The following SGCZ variants were observed in gnomAD, a reference collection of about 807,000 sequenced individuals.
The protein encoded by SGCZ is sarcoglycan zeta, also known as zeta-sarcoglycan.
SGCZ carries 40 observed loss-of-function variants against 41.3 expected under a neutral mutation model. The ratio of observed to expected loss-of-function variants is 0.97; its 90% CI spans 0.75 to 1.26. The LOEUF (loss-of-function observed/expected upper bound fraction) is 1.26, where lower values mean the gene tolerates loss of function less well. Among genes scored for constraint, SGCZ ranks in the 50% most tolerant of loss-of-function variants. The pLI is 0.00. For synonymous variants in SGCZ, 206 were observed against 137.5 expected (o/e 1.50, Z -3.49); for missense variants, 552 against 369.8 (o/e 1.49, Z -4.04).
chr8:14,690,930 C>A (rs1808780628), intron 1 of SGCZ, among the ~76,000 whole-genome samples: 1 of 152,128 alleles, frequency 6.6e-6, no homozygotes, highest in African/African-American at 2.4e-5. Context: ...GTAAGCATTG[C>A]ACTTACAGTA....
At chr8:14,642,193 T>C (rs754189834) in intron 1 of SGCZ, among the ~76,000 whole-genome samples, 91 of 151,664 alleles carry the variant, frequency 6.0e-4, no homozygotes, top group Non-Finnish European at 7.7e-4. Flanking sequence ...CCTTGTCCTC[T>C]TTTAGGATGG....
At chr8:14,538,614 A>G (rs548501919) in intron 2 of SGCZ, among the ~76,000 whole-genome samples, 1 of 152,102 alleles carries the variant, frequency 6.6e-6, no homozygotes, top group East Asian at 1.9e-4. Context: ...AATAATTATA[A>G]CTTTTCTCCT....
chr8:14,972,546 T>A (rs1563401682), intron 1 of SGCZ, among the ~76,000 whole-genome samples: 1 of 152,184 alleles, frequency 6.6e-6, no homozygotes. Context: ...ATCATCTTGT[T>A]GTTTGTTTTC....
chr8:15,199,131 C>A (rs1416584322), intron 1 of SGCZ, among the ~76,000 whole-genome samples: 1 of 152,138 alleles, frequency 6.6e-6, no homozygotes, highest in Non-Finnish European at 1.5e-5. Context: ...AGAAATGATA[C>A]CCGACATTCT....
At chr8:15,199,757 T>A (rs1184570475) in intron 1 of SGCZ, among the ~76,000 whole-genome samples, 1 of 152,158 alleles carries the variant, frequency 6.6e-6, no homozygotes, top group Admixed American at 6.5e-5. Context: ...ACTTCATTAG[T>A]TTCAGAAAAA....
chr8:14,240,340 A>AT (rs1281998125), intron 3 of SGCZ, among the ~76,000 whole-genome samples: 2 of 149,930 alleles, frequency 1.3e-5, no homozygotes, highest in African/African-American at 4.9e-5. Flanking sequence ...AAAAAAAAAA[A>AT]AAAAAAAAAA....
Position 14,624,543 on chromosome 8 carries a change from T to TTTATTATTATTATTATTA in SGCZ, c.40-69618_40-69617insTAATAATAATAATAATAA, listed in dbSNP as rs71209070. 5.1e-4 allele frequency among the ~76,000 whole-genome samples: 27 copies of TTTATTATTATTATTATTA among 52,994 alleles called. 1 individual carries two copies. Among genetic ancestry groups the TTTATTATTATTATTATTA allele is most frequent in the Middle Eastern group, 0.012 (1 of 84 alleles). 34.8% of individuals were successfully genotyped at this position (52,994 alleles called of 152,430 possible). A position where few individuals can be genotyped will look rare whatever the true frequency, so the allele number is the denominator to read the frequency against. ...AGAAACATAAATATCACTCCCCAAT[T>TTTATTATTATTATTATTA]TTATTATTATTATTTTTTTTTTTTT... On this transcript the variant is annotated intron_variant, in intron 1 of 7. Coordinates refer to ENST00000382080, the MANE Select transcript of SGCZ (RefSeq NM_139167.4).
chr8:15,016,310 T>C (rs561891191), intron 1 of SGCZ, among the ~76,000 whole-genome samples: 6 of 152,286 alleles, frequency 3.9e-5, no homozygotes, highest in Admixed American at 1.3e-4. Flanking sequence ...CAGATCCTGC[T>C]AATGGATCTT....
At chr8:14,455,276 T>C (rs1585537225) in intron 2 of SGCZ, among the ~76,000 whole-genome samples, 1 of 151,944 alleles carries the variant, frequency 6.6e-6, no homozygotes, top group African/African-American at 2.4e-5. Flanking sequence ...GGTAAAAAAG[T>C]AAAAAATCAT....
intron 1 of SGCZ, among the ~76,000 whole-genome samples, chr8:15,163,942 G>C (rs929096116): frequency 6.6e-5 from 10 of 152,250 alleles, no homozygotes; most frequent in Admixed American, 6.5e-5. Context: ...GCCTCAGAAA[G>C]TTCAGGACGT....
intron 4 of SGCZ, among the ~76,000 whole-genome samples, chr8:14,169,788 T>C (rs985368267): frequency 6.6e-6 from 1 of 152,202 alleles, no homozygotes; most frequent in African/African-American, 2.4e-5. Flanking sequence ...TTTGTAAGAC[T>C]ATAGGTACCG....
intron 4 of SGCZ, among the ~76,000 whole-genome samples, chr8:14,190,785 G>T (rs1805076524): frequency 6.6e-6 from 1 of 151,754 alleles, no homozygotes; most frequent in Admixed American, 6.6e-5. Context: ...TATATTTTTA[G>T]TAGAGACGGC....
At chr8:14,471,558 T>C (rs17119316) in intron 2 of SGCZ, among the ~76,000 whole-genome samples, 1,745 of 152,244 alleles carry the variant, frequency 0.011, 32 homozygotes, top group African/African-American at 0.039. Flanking sequence ...ATGAATTTCC[T>C]CAAATAAGGA....
intron 1 of SGCZ, among the ~76,000 whole-genome samples, chr8:14,671,726 G>T (rs1488105864): frequency 6.6e-6 from 1 of 151,894 alleles, no homozygotes; most frequent in African/African-American, 2.4e-5. Flanking sequence ...TAAATATTTG[G>T]ATATAACATT....
At chr8:15,071,573 C>A (rs2131028794) in intron 1 of SGCZ, among the ~76,000 whole-genome samples, 1 of 152,192 alleles carries the variant, frequency 6.6e-6, no homozygotes, top group East Asian at 1.9e-4. Context: ...TCTGAAAGGA[C>A]TATGCAACCA....
chr8:14,735,311 G>A (rs1798993896), intron 1 of SGCZ, among the ~76,000 whole-genome samples: 2 of 152,148 alleles, frequency 1.3e-5, no homozygotes, highest in Admixed American at 1.3e-4. Flanking sequence ...CAGTGGACTA[G>A]GAGAAGAAGA....
intron 5 of SGCZ, among the ~76,000 whole-genome samples, chr8:14,135,879 C>T (rs909294453): frequency 6.6e-6 from 1 of 150,956 alleles, no homozygotes; most frequent in African/African-American, 2.4e-5. Context: ...TACTATAGAC[C>T]CTGGAGAATT....
intron 1 of SGCZ, among the ~76,000 whole-genome samples, chr8:14,895,679 T>G (rs1805170082): frequency 6.6e-6 from 1 of 152,198 alleles, no homozygotes; most frequent in African/African-American, 2.4e-5. Context: ...TAACTTCTAC[T>G]AAAATATTAC....
intron 1 of SGCZ, among the ~76,000 whole-genome samples, chr8:14,828,555 G>A (rs1239490862): frequency 6.6e-6 from 1 of 152,130 alleles, no homozygotes; most frequent in African/African-American, 2.4e-5. Context: ...AATTTTAACA[G>A]GACAGAAAAC....
Sources: gnomAD v4.1 joint callset for allele counts (sites outside exome capture counted in the v4.1 genomes callset) on GRCh38, gnomAD v4.1.1 for gene constraint, MANE v1.5 for transcripts, NCBI Gene and HGNC (gene_info 2026-07-23, HGNC 2026-07-21) for gene names.